The following ZNF24 variants were observed in gnomAD, a reference collection of about 807,000 sequenced individuals.
ZNF24 encodes the protein retinoic acid suppression protein A.
Under a neutral mutation model 40.9 loss-of-function variants are expected in ZNF24, and 11 were observed. The observed-to-expected ratio is 0.27, with a 90% CI of 0.17 to 0.45. The LOEUF is 0.45. Ranked by LOEUF, ZNF24 falls within the 20% of genes least tolerant of loss-of-function variation. The pLI is 1.00. For missense variants in ZNF24, 293 were observed against 437.7 expected, an observed-to-expected ratio of 0.67 and a Z score of 2.95; for synonymous variants, 139 against 154.7, an observed-to-expected ratio of 0.90 and a Z score of 0.75.
rs1376082204 is a variant in ZNF24, at chr18:35,336,129, T to TG, written c.*1102dup. ...AACAGCAAACCCCTATGATTTACAG[T>TG]GGAAGAAATACCTACCTACTTATGG... On this transcript the variant is annotated 3_prime_UTR_variant, in exon 4 of 4. Transcript: ENST00000261332. 6.6e-6 allele frequency: 1 copy of TG among 152,628 alleles called. No homozygotes were observed. The highest frequency in any genetic ancestry group is 1.5e-5 in the Non-Finnish European group (1 of 68,044). The allele number at this position is 152,628 out of a possible 1,614,324, so 9.5% of individuals were successfully genotyped here.
Position 35,337,231 on chromosome 18 carries a change from C to A in ZNF24, c.*1G>T. The A allele has an allele frequency of 7.4e-7, 1 of 1,356,512 alleles. No homozygotes were observed. The highest frequency in any genetic ancestry group is 9.6e-7 in the Non-Finnish European group (1 of 1,046,372). 84.0% of individuals were successfully genotyped at this position (1,356,512 alleles called of 1,614,324 possible). A position where few individuals can be genotyped will look rare whatever the true frequency, so the allele number is the denominator to read the frequency against. On this transcript the variant is annotated 3_prime_UTR_variant, in exon 4 of 4. Transcript: ENST00000261332. The stretch of plus-strand genomic sequence containing the variant: ...CTGATTCTTTTTTTTTTTTCAATTT[C>A]TTAAACTTTCACAACATTCAGAAGT...
At position 35,336,890 on chromosome 18, in the gene ZNF24, A is replaced by G. The variant is rs1415994649; in HGVS notation, c.*342T>C. 2 of 187,008 alleles carry G rather than the reference A, an allele frequency of 1.1e-5. No individual in the cohort carries two copies. Among genetic ancestry groups the G allele is most frequent in the Non-Finnish European group, 2.2e-5 (2 of 91,486 alleles). 11.6% of individuals were successfully genotyped at this position (187,008 alleles called of 1,614,324 possible). A position where few individuals can be genotyped will look rare whatever the true frequency, so the allele number is the denominator to read the frequency against. The stretch of plus-strand genomic sequence containing the variant: ...CATATAAAGAACATTTCAATGATCA[A>G]TGCAGAAATAATGTATTTGTCTTAA... On this transcript the variant is annotated 3_prime_UTR_variant, in exon 4 of 4. Coordinates refer to ENST00000261332, the MANE Select transcript of ZNF24 (RefSeq NM_006965.4).
Position 35,332,400 on chromosome 18 carries a change from T to G in ZNF24, c.*4832A>C, listed in dbSNP as rs1014190115. ...AAGGGACTTTATTGGCTCACAAAAC[T>G]TTAAAGTCCGGAGGTAGGGCAGGCT... On this transcript the variant is annotated 3_prime_UTR_variant, in exon 4 of 4. Coordinates refer to ENST00000261332, the MANE Select transcript of ZNF24 (RefSeq NM_006965.4). 10 of 152,234 alleles carry G rather than the reference T, an allele frequency of 6.6e-5. No homozygotes were observed. Among genetic ancestry groups the G allele is most frequent in the African/African-American group, 2.4e-4 (10 of 41,444 alleles). 9.4% of individuals were successfully genotyped at this position (152,234 alleles called of 1,614,324 possible). A position where few individuals can be genotyped will look rare whatever the true frequency, so the allele number is the denominator to read the frequency against.
rs1187977121 is a variant in ZNF24, at chr18:35,334,737, G to A, written c.*2495C>T. ...GATTATCTGTGTGGGTAATGAATGT[G>A]TGGATGGAATTTAAAAATCACTACA... On this transcript the variant is annotated 3_prime_UTR_variant, in exon 4 of 4. Transcript: ENST00000261332. 6.6e-6 allele frequency: 1 copy of A among 152,252 alleles called. No homozygotes were observed. Among genetic ancestry groups the A allele is most frequent in the Non-Finnish European group, 1.5e-5 (1 of 68,052 alleles). The allele number at this position is 152,252 out of a possible 1,614,324, so 9.4% of individuals were successfully genotyped here.
intron 1 of ZNF24, chr18:35,343,757 T>G (rs1052798405): frequency 6.6e-6 from 1 of 152,340 alleles, no homozygotes; most frequent in African/African-American, 2.4e-5. Flanking sequence ...TTGTGGGAAA[T>G]GGAGGGAAGG....
chr18:35,337,869 C>G, intron 3 of ZNF24, 99 bp from the exon 4 acceptor site: 3 of 992,746 alleles, frequency 3.0e-6, no homozygotes, highest in Non-Finnish European at 2.9e-6. Context: ...AGCTAGCACA[C>G]ATCTATAAAC....
rs1047837095 is a variant in ZNF24 at position 35,333,165 on chromosome 18, A to C, written c.*4067T>G. On this transcript the variant is annotated 3_prime_UTR_variant, in exon 4 of 4. Coordinates refer to ENST00000261332, the MANE Select transcript of ZNF24 (RefSeq NM_006965.4). ...ACAAAGACATCTGAATAGGATGTTT[A>C]CTTTGGCAATGTAATAGCGAGAGGA... 5 of 152,224 alleles carry C rather than the reference A, an allele frequency of 3.3e-5. No individual in the cohort carries two copies. The highest frequency in any genetic ancestry group is 5.9e-5 in the Non-Finnish European group (4 of 68,044). 9.4% of individuals were successfully genotyped at this position (152,224 alleles called of 1,614,324 possible).
In ZNF24 at chr18:35,334,576, T is replaced by C. The variant is rs1486983399; in HGVS notation, c.*2656A>G. 1.3e-5 allele frequency: 2 copies of C among 152,206 alleles called. No individual in the cohort carries two copies. The highest frequency in any genetic ancestry group is 2.9e-5 in the Non-Finnish European group (2 of 68,044). The allele number at this position is 152,206 out of a possible 1,614,324, so 9.4% of individuals were successfully genotyped here. A position where few individuals can be genotyped will look rare whatever the true frequency, so the allele number is the denominator to read the frequency against. On this transcript the variant is annotated 3_prime_UTR_variant, in exon 4 of 4. Transcript: ENST00000261332. ...AAACCAGCAAATGCTCAGTGGCTAC[T>C]GGGCAGATATCAGCAATCTGCATGA...
At position 35,338,667 on chromosome 18, in the gene ZNF24, AAGAG is replaced by A. The variant is rs199906915; in HGVS notation, c.569-901_569-898del. The A allele has an allele frequency of 1.0e-3, 1,091 of 1,050,022 alleles. 5 individuals carry two copies. The African/African-American group carries it at 0.016, about 15-fold the overall frequency. The allele number at this position is 1,050,022 out of a possible 1,614,324, so 65.0% of individuals were successfully genotyped here. A position where few individuals can be genotyped will look rare whatever the true frequency, so the allele number is the denominator to read the frequency against. On this transcript the variant is annotated intron_variant, in intron 3 of 3. Transcript: ENST00000261332. Reference sequence around the variant, plus strand: ...AAAGATCAAGTCAGGAGATAAGGCTAAGAGAGAGAGACTGAAAGGTTAGAGGAGG... The same window carrying A: ...AAAGATCAAGTCAGGAGATAAGGCTAAGAGAGACTGAAAGGTTAGAGGAGG...
rs1164328190 is a variant in ZNF24, at chr18:35,334,390, G to A, written c.*2842C>T. On this transcript the variant is annotated 3_prime_UTR_variant, in exon 4 of 4. Transcript: ENST00000261332. ...TTGCTTTCCTAGTCCACAAATCTAA[G>A]TGAGATAGGTACGGTGTCTAAGCCA... 6.6e-6 allele frequency: 1 copy of A among 152,186 alleles called. No individual in the cohort carries two copies. Among genetic ancestry groups the A allele is most frequent in the African/African-American group, 2.4e-5 (1 of 41,440 alleles). The allele number at this position is 152,186 out of a possible 1,614,324, so 9.4% of individuals were successfully genotyped here. A position where few individuals can be genotyped will look rare whatever the true frequency, so the allele number is the denominator to read the frequency against.
chr18:35,339,679 G>C (rs962230308), intron 3 of ZNF24, 150 bp downstream of exon 3: 33 of 602,972 alleles, frequency 5.5e-5, no homozygotes, highest in Middle Eastern at 1.0e-3. Flanking sequence ...TAAAAGGTCT[G>C]AGGCCAGCAA....
In ZNF24 at chr18:35,333,770, C is replaced by T. The variant is rs368321488; in HGVS notation, c.*3462G>A. The T allele has an allele frequency of 3.9e-5, 6 of 152,240 alleles. No homozygotes were observed. In the South Asian group the frequency reaches 8.3e-4, roughly 21 times the overall value. 9.4% of individuals were successfully genotyped at this position (152,240 alleles called of 1,614,324 possible). The stretch of plus-strand genomic sequence containing the variant: ...AATAAATTTCTAGTTATTCATCCTA[C>T]AGAAATACCCACACAAGTAGCAAAA... On this transcript the variant is annotated 3_prime_UTR_variant, in exon 4 of 4. Transcript: ENST00000261332.
rs918740729 is a variant in ZNF24 at position 35,336,514 on chromosome 18, T to G, written c.*718A>C. Reference sequence around the variant, plus strand: ...CTTTTTAATAATATATGGGAAAACATTATTTTCATTAGTAAGATGACTCCA... The same window carrying G: ...CTTTTTAATAATATATGGGAAAACAGTATTTTCATTAGTAAGATGACTCCA... On this transcript the variant is annotated 3_prime_UTR_variant, in exon 4 of 4. Transcript: ENST00000261332. 2 of 152,202 alleles carry G rather than the reference T, an allele frequency of 1.3e-5. No individual in the cohort carries two copies. The highest frequency in any genetic ancestry group is 6.5e-5 in the Admixed American group (1 of 15,278). The allele number at this position is 152,202 out of a possible 1,614,324, so 9.4% of individuals were successfully genotyped here.
chr18:35,341,427 CTA>C (rs1421457262), intron 1 of ZNF24, among the ~76,000 whole-genome samples: 1 of 152,188 alleles, frequency 6.6e-6, no homozygotes, highest in East Asian at 1.9e-4. Context: ...TAATAAACGA[CTA>C]TGTTACTGGT....
At chr18:35,337,828 A>G (rs1173779810) in intron 3 of ZNF24, 58 bp from the exon 4 acceptor site, 2 of 1,443,562 alleles carry the variant, frequency 1.4e-6, no homozygotes, top group East Asian at 4.6e-5. Flanking sequence ...AAAGAAACCT[A>G]AAAAAAATTT....
Position 35,333,715 on chromosome 18 carries a change from T to A in ZNF24, c.*3517A>T, listed in dbSNP as rs537474390. The A allele has an allele frequency of 1.3e-5, 2 of 152,248 alleles. No homozygotes were observed. Among genetic ancestry groups the A allele is most frequent in the East Asian group, 3.9e-4 (2 of 5,194 alleles). The allele number at this position is 152,248 out of a possible 1,614,324, so 9.4% of individuals were successfully genotyped here. A position where few individuals can be genotyped will look rare whatever the true frequency, so the allele number is the denominator to read the frequency against. On this transcript the variant is annotated 3_prime_UTR_variant, in exon 4 of 4. Transcript: ENST00000261332. Reference sequence around the variant, plus strand: ...TTGGTGAAATCTTTTTGGTAGTAGTTTTCAAAACTGCAAATGTGAAACCTG... The same window carrying A: ...TTGGTGAAATCTTTTTGGTAGTAGTATTCAAAACTGCAAATGTGAAACCTG...
In ZNF24 at chr18:35,340,677, A is replaced by T; in HGVS notation, c.-27T>A. ...CTGATTTATAATATTTCAAGAAAAG[A>T]CAACTGAGGCAGAATATAAGCCTCA... On this transcript the variant is annotated 5_prime_UTR_variant, in exon 2 of 4. Coordinates refer to ENST00000261332, the MANE Select transcript of ZNF24 (RefSeq NM_006965.4). The surrounding 1 kb of genome is among the most constrained non-coding windows in gnomAD (Gnocchi z 4.6). The T allele has an allele frequency of 6.3e-7, 1 of 1,596,824 alleles. No homozygotes were observed.
rs1447224594 is a variant in ZNF24, at chr18:35,340,441, C to T, written c.210G>A (p.Val70=). The stretch of plus-strand genomic sequence containing the variant: ...GACGGCAAAGTTCTCGGAGCTGGCT[C>T]ACAGCCTCACGGGGCCCAGGTGAAT... ...YQDSPGPREA[V]SQLRELCRLW... The change falls in exon 2 of 4, where the codon GTG becomes GTA. Residue 70 remains valine (V), a synonymous_variant. Coordinates refer to ENST00000261332, the MANE Select transcript of ZNF24 (RefSeq NM_006965.4). The surrounding 1 kb of genome is among the most constrained non-coding windows in gnomAD (Gnocchi z 4.6). 1.9e-6 allele frequency: 3 copies of T among 1,614,252 alleles called. No individual in the cohort carries two copies. The highest frequency in any genetic ancestry group is 3.3e-5 in the Admixed American group (2 of 60,030).
rs1247323137 is a variant in ZNF24, at chr18:35,339,831, C to T, written c.566G>A (p.Cys189Tyr). ...CCACACAGAGTTCTGGTCCTCACCA[C>T]AGTGCCTTAGGGAATGGAGCTCCCA... ...ASWELHSLRH[C>Y]DDDGRTENGA... The change falls in exon 3 of 4, where the codon TGT (cysteine) becomes TAT (tyrosine). Residue 189 changes from cysteine (C) to tyrosine (Y), a missense_variant and splice_region_variant. Physicochemically the swap from Cys to Tyr is radical, Grantham distance 194. Coordinates refer to ENST00000261332, the MANE Select transcript of ZNF24 (RefSeq NM_006965.4). 6.2e-7 allele frequency: 1 copy of T among 1,600,782 alleles called. No individual in the cohort carries two copies. The highest frequency in any genetic ancestry group is 2.3e-5 in the East Asian group (1 of 44,422).
Sources: gnomAD v4.1 joint callset for allele counts (sites outside exome capture counted in the v4.1 genomes callset) on GRCh38, gnomAD v4.1.1 for gene constraint, Gnocchi (gnomAD v3.1) non-coding constraint, MANE v1.5 for transcripts, NCBI Gene and HGNC (gene_info 2026-07-23, HGNC 2026-07-21) for gene names.